The following CIMIP6 variants were observed in gnomAD, a reference collection of about 807,000 sequenced individuals.
CIMIP6 encodes the protein uncharacterized protein C2orf73.
the CIMIP6 span, among the ~76,000 whole-genome samples, chr2:54,370,199 G>A: frequency 6.6e-6 from 1 of 152,064 alleles, no homozygotes; most frequent in Non-Finnish European, 1.5e-5. Flanking sequence ...AGGTTGCAGT[G>A]AGTCAAGATT....
the CIMIP6 span, among the ~76,000 whole-genome samples, chr2:54,379,915 T>C: frequency 1.7e-4 from 25 of 151,284 alleles, no homozygotes; most frequent in African/African-American, 6.1e-4. Flanking sequence ...AGGTGGAGGT[T>C]ACAGTGAGCC....
chr2:54,341,490 A>G, the CIMIP6 span, among the ~76,000 whole-genome samples: 1 of 152,208 alleles, frequency 6.6e-6, no homozygotes, highest in Non-Finnish European at 1.5e-5. Context: ...AGTCTAAGGT[A>G]TTCTGTTGTA....
the CIMIP6 span, chr2:54,381,912 G>A: frequency 6.4e-7 from 1 of 1,550,600 alleles, no homozygotes; most frequent in Non-Finnish European, 8.7e-7. Flanking sequence ...GGAAGAAAAG[G>A]AACAGAGAGA....
chr2:54,380,919 G>A, the CIMIP6 span, among the ~76,000 whole-genome samples: 4 of 152,132 alleles, frequency 2.6e-5, no homozygotes, highest in South Asian at 8.3e-4. Context: ...TAGTCTTCTT[G>A]TTTCCTTGAC....
the CIMIP6 span, among the ~76,000 whole-genome samples, chr2:54,373,400 C>A: frequency 6.6e-6 from 1 of 152,124 alleles, no homozygotes; most frequent in Non-Finnish European, 1.5e-5. Context: ...ATCACCCTCT[C>A]AGAAGCTCCC....
the CIMIP6 span, chr2:54,360,063 T>G: frequency 1.0e-6 from 1 of 1,001,284 alleles, no homozygotes; most frequent in Admixed American, 3.4e-5. Flanking sequence ...AGTTTGGGAC[T>G]GAGGTGACAC....
the CIMIP6 span, among the ~76,000 whole-genome samples, chr2:54,356,143 TA>T: frequency 0.028 from 3,758 of 136,576 alleles, 137 homozygotes; most frequent in African/African-American, 0.086. Context: ...CTTAAACTGT[TA>T]AAAAAAAAAA....
chr2:54,368,172 G>T, the CIMIP6 span, among the ~76,000 whole-genome samples: 1 of 152,072 alleles, frequency 6.6e-6, no homozygotes, highest in Non-Finnish European at 1.5e-5. Context: ...TCATTTGTTT[G>T]CTTTTGCTTT....
the CIMIP6 span, among the ~76,000 whole-genome samples, chr2:54,366,915 G>T: frequency 6.6e-6 from 1 of 152,020 alleles, no homozygotes; most frequent in East Asian, 1.9e-4. Flanking sequence ...TTTTAACTCA[G>T]TAATCTCCAA....
At chr2:54,340,402 A>G in the CIMIP6 span, among the ~76,000 whole-genome samples, 2 of 152,218 alleles carry the variant, frequency 1.3e-5, no homozygotes, top group South Asian at 2.1e-4. Context: ...GGCTCCATCC[A>G]TGTCTTTCCT....
chr2:54,352,972 C>G, the CIMIP6 span, among the ~76,000 whole-genome samples: 3 of 152,120 alleles, frequency 2.0e-5, no homozygotes, highest in Non-Finnish European at 2.9e-5. Context: ...ACTGAAATTT[C>G]GACTCCTCTG....
chr2:54,345,366 G>A, the CIMIP6 span, among the ~76,000 whole-genome samples: 5 of 152,152 alleles, frequency 3.3e-5, no homozygotes, highest in Non-Finnish European at 7.4e-5. Flanking sequence ...GTTTAACAAG[G>A]TTTACTTGTC....
the CIMIP6 span, among the ~76,000 whole-genome samples, chr2:54,359,287 G>C: frequency 2.0e-5 from 3 of 152,138 alleles, no homozygotes; most frequent in South Asian, 4.1e-4. Context: ...TACTCAGGTG[G>C]GTGAGGTGGG....
At chr2:54,369,233 G>T in the CIMIP6 span, among the ~76,000 whole-genome samples, 1 of 152,096 alleles carries the variant, frequency 6.6e-6, no homozygotes, top group Non-Finnish European at 1.5e-5. Context: ...GTGTGTATGT[G>T]TGTCTGCCTG....
At chr2:54,343,694 T>C in the CIMIP6 span, 1 of 1,542,608 alleles carries the variant, frequency 6.5e-7, no homozygotes, top group South Asian at 1.3e-5. Flanking sequence ...TATCCAATAT[T>C]GTGTTTCCAA....
the CIMIP6 span, among the ~76,000 whole-genome samples, chr2:54,380,388 C>T: frequency 5.9e-5 from 9 of 152,126 alleles, no homozygotes; most frequent in South Asian, 2.1e-4. Flanking sequence ...CTCCCCATGC[C>T]GCATCCCCCA....
At chr2:54,349,120 T>G in the CIMIP6 span, among the ~76,000 whole-genome samples, 1 of 152,236 alleles carries the variant, frequency 6.6e-6, no homozygotes, top group South Asian at 2.1e-4. Flanking sequence ...AATTGCAAAT[T>G]CAGATATAGT....
chr2:54,335,353 C>G, the CIMIP6 span, among the ~76,000 whole-genome samples: 2 of 152,136 alleles, frequency 1.3e-5, no homozygotes, highest in Non-Finnish European at 2.9e-5. Context: ...CAGTAATTCA[C>G]ATACCTTCTG....
the CIMIP6 span, among the ~76,000 whole-genome samples, chr2:54,374,372 G>A: frequency 1.3e-5 from 2 of 152,200 alleles, no homozygotes; most frequent in Admixed American, 6.5e-5. Flanking sequence ...TTAAATTTGA[G>A]TGATCTGATT....
Sources: gnomAD v4.1 joint callset for allele counts (sites outside exome capture counted in the v4.1 genomes callset) on GRCh38, gnomAD v4.1.1 for gene constraint, MANE v1.5 for transcripts, NCBI Gene and HGNC (gene_info 2026-07-23, HGNC 2026-07-21) for gene names.